The following LAMA2 variants were observed in gnomAD, a reference collection of about 807,000 sequenced individuals.
The protein encoded by LAMA2 is laminin subunit alpha 2.
In LAMA2, 269 loss-of-function variants were observed where a neutral mutation model predicts 364.8. The ratio of observed to expected loss-of-function variants is 0.74; its 90% CI spans 0.67 to 0.82. The LOEUF is 0.82. Ranked by LOEUF, LAMA2 falls within the 40% of genes least tolerant of loss-of-function variation. The pLI, the probability that LAMA2 is intolerant of heterozygous loss-of-function variation, is 0.00. For missense variants in LAMA2, 3,807 were observed against 3,873.2 expected (o/e 0.98, Z 0.45); for synonymous variants, 1,379 against 1,370.6 (o/e 1.01, Z -0.14).
At chr6:129,081,922 A>T (rs1774084004) in intron 3 of LAMA2, among the ~76,000 whole-genome samples, 1 of 152,176 alleles carries the variant, frequency 6.6e-6, no homozygotes, top group Non-Finnish European at 1.5e-5. Context: ...AAAATGCTAA[A>T]ACAACTTGCT....
At chr6:129,186,778 G>C (rs1053949368) in intron 10 of LAMA2, among the ~76,000 whole-genome samples, 1 of 151,520 alleles carries the variant, frequency 6.6e-6, no homozygotes, top group Non-Finnish European at 1.5e-5. Context: ...TCTGAAGTCC[G>C]CCTCATCAGA....
chr6:129,447,719 T>A (rs1189165215), intron 45 of LAMA2, among the ~76,000 whole-genome samples: 1 of 152,062 alleles, frequency 6.6e-6, no homozygotes, highest in Non-Finnish European at 1.5e-5. Context: ...GAAAGAAGAA[T>A]GAAGGACCCA....
chr6:129,113,911 A>G (rs1433511073), intron 4 of LAMA2, among the ~76,000 whole-genome samples: 1 of 152,034 alleles, frequency 6.6e-6, no homozygotes, highest in Non-Finnish European at 1.5e-5. Context: ...GGAACATTTT[A>G]TCCCTATCAG....
chr6:129,048,263 A>C (rs1236403450), intron 1 of LAMA2, among the ~76,000 whole-genome samples: 1 of 152,154 alleles, frequency 6.6e-6, no homozygotes, highest in Non-Finnish European at 1.5e-5. Context: ...TTTATTTTAC[A>C]AATACATTGA....
rs1164364122 is a variant in LAMA2, at chr6:128,961,337, A to ATATATATATT, written c.112+77989_112+77990insTTATATATAT. On this transcript the variant is annotated intron_variant, in intron 1 of 64. Transcript: ENST00000421865. ...TAATATGATATATATATATATATAT[A>ATATATATATT]TATATATATATATATATATATATAT... 3.8e-4 allele frequency among the ~76,000 whole-genome samples: 17 copies of ATATATATATT among 44,736 alleles called. 1 individual carries two copies. The highest frequency in any genetic ancestry group is 9.4e-4 in the African/African-American group (8 of 8,550). The allele number at this position is 44,736 out of a possible 152,430, so 29.3% of individuals were successfully genotyped here. A position where few individuals can be genotyped will look rare whatever the true frequency, so the allele number is the denominator to read the frequency against.
intron 12 of LAMA2, among the ~76,000 whole-genome samples, chr6:129,210,024 A>AAAAAAAAAAAAAAATAT (rs200129656): frequency 6.9e-6 from 1 of 145,242 alleles, no homozygotes; most frequent in African/African-American, 2.6e-5. Context: ...AAAAAAAAAA[A>AAAAAAAAAAAAAAATAT]ATTTTTACTA....
chr6:129,282,616 A>C (rs1479609574), intron 18 of LAMA2, among the ~76,000 whole-genome samples: 1 of 152,094 alleles, frequency 6.6e-6, no homozygotes, highest in Non-Finnish European at 1.5e-5. Context: ...TATTTCACCC[A>C]AGCATGTTTC....
intron 32 of LAMA2, 58 bp from the exon 33 acceptor site, chr6:129,366,161 A>G: frequency 1.3e-6 from 2 of 1,578,600 alleles, no homozygotes; most frequent in Admixed American, 3.3e-5. Flanking sequence ...GAATTCTTTG[A>G]ACATCTGCCT....
In LAMA2 at chr6:128,929,029, G is replaced by A; in HGVS notation, c.112+45672G>A. The A allele has an allele frequency of 3.5e-6, 5 of 1,420,528 alleles. No homozygotes were observed. In the South Asian group the frequency reaches 5.8e-5, roughly 16 times the overall value. The allele number at this position is 1,420,528 out of a possible 1,614,324, so 88.0% of individuals were successfully genotyped here. On this transcript the variant is annotated intron_variant, in intron 1 of 64. Coordinates refer to ENST00000421865, the MANE Select transcript of LAMA2 (RefSeq NM_000426.4). ...AGATGAAGCCCATATATGCATTCAA[G>A]AAGCCAATGGTATCCTCTAGCTGTG... is the stretch of plus-strand genomic sequence containing the variant.
intron 1 of LAMA2, among the ~76,000 whole-genome samples, chr6:128,916,447 T>G (rs1778321222): frequency 6.6e-6 from 1 of 152,198 alleles, no homozygotes; most frequent in African/African-American, 2.4e-5. Context: ...TGAGCTTCTG[T>G]TACATGAATA....
At chr6:129,371,626 A>G (rs1221130413) in intron 34 of LAMA2, among the ~76,000 whole-genome samples, 6 of 109,344 alleles carry the variant, frequency 5.5e-5, no homozygotes, top group African/African-American at 1.9e-4. Context: ...TTTTTTTTTG[A>G]GACAGAGTCT....
intron 61 of LAMA2, 91 bp from the exon 62 acceptor site, chr6:129,507,398 C>G: frequency 7.4e-7 from 1 of 1,348,494 alleles, no homozygotes; most frequent in South Asian, 1.2e-5. Context: ...GATAACTACA[C>G]ACATAGAGCA....
chr6:128,928,932 C>T, intron 1 of LAMA2: 2 of 817,746 alleles, frequency 2.4e-6, no homozygotes, highest in Non-Finnish European at 4.2e-6. Flanking sequence ...GTGGAATACA[C>T]AACAGATAAG....
intron 39 of LAMA2, 119 bp downstream of exon 39, chr6:129,402,606 AG>A (rs1780045119): frequency 1.2e-5 from 12 of 1,011,664 alleles, no homozygotes; most frequent in Middle Eastern, 2.2e-4. Flanking sequence ...TGAACACACT[AG>A]CTATATGGCC....
intron 3 of LAMA2, among the ~76,000 whole-genome samples, chr6:129,086,165 T>C (rs951378214): frequency 3.3e-5 from 5 of 152,228 alleles, no homozygotes; most frequent in Admixed American, 3.3e-4. Flanking sequence ...TTAGAAATAT[T>C]TAAGATTGTC....
At chr6:129,063,741 A>G (rs1443416601) in intron 3 of LAMA2, among the ~76,000 whole-genome samples, 1 of 152,192 alleles carries the variant, frequency 6.6e-6, no homozygotes, top group African/African-American at 2.4e-5. Context: ...CTTAACCTAA[A>G]TATTTTATTC....
intron 40 of LAMA2, among the ~76,000 whole-genome samples, chr6:129,405,036 G>T (rs1256811320): frequency 1.3e-5 from 2 of 152,086 alleles, no homozygotes; most frequent in African/African-American, 4.8e-5. Flanking sequence ...GATCATTGCA[G>T]AAGCATTTCT....
chr6:129,445,369 T>A (rs1782313680), intron 44 of LAMA2, among the ~76,000 whole-genome samples: 1 of 152,236 alleles, frequency 6.6e-6, no homozygotes, highest in Non-Finnish European at 1.5e-5. Flanking sequence ...ACTTTTTGGC[T>A]GAAGTTAGAA....
In LAMA2 at chr6:129,290,385, A is replaced by G. The variant is rs981033784; in HGVS notation, c.2750-1229A>G. On this transcript the variant is annotated intron_variant, in intron 19 of 64. Coordinates refer to ENST00000421865, the MANE Select transcript of LAMA2 (RefSeq NM_000426.4). Reference sequence around the variant, plus strand: ...ATCCGTAGGCTCTTTCAGTTTCTCAATGGCCCTTACTCTAGTATCCCCTTG... The same window carrying G: ...ATCCGTAGGCTCTTTCAGTTTCTCAGTGGCCCTTACTCTAGTATCCCCTTG... Among the ~76,000 whole-genome samples the G allele has an allele frequency of 6.6e-5, 10 of 152,256 alleles. No homozygotes were observed. The East Asian group carries it at 1.2e-3, about 18-fold the overall frequency.
Sources: gnomAD v4.1 joint callset for allele counts (sites outside exome capture counted in the v4.1 genomes callset) on GRCh38, gnomAD v4.1.1 for gene constraint, MANE v1.5 for transcripts, NCBI Gene and HGNC (gene_info 2026-07-23, HGNC 2026-07-21) for gene names.